The following CHRM3 variants were observed in gnomAD, a reference collection of about 807,000 sequenced individuals.
The protein encoded by CHRM3 is cholinergic receptor muscarinic 3, also known as muscarinic acetylcholine receptor M3.
Under a neutral mutation model 41.8 loss-of-function variants are expected in CHRM3, and 11 were observed. The observed-to-expected ratio is 0.26, with a 90% CI of 0.17 to 0.44. CHRM3 has a LOEUF of 0.44. Among genes scored for constraint, CHRM3 ranks in the 20% least tolerant of loss-of-function variants. CHRM3 has a pLI of 1.00. For synonymous variants in CHRM3, 297 were observed against 301.4 expected (o/e 0.99, Z 0.15); for missense variants, 571 against 745.4 (o/e 0.77, Z 2.72).
At chr1:239,859,211 G>A (rs1260989876) in intron 6 of CHRM3, among the ~76,000 whole-genome samples, 7 of 152,092 alleles carry the variant, frequency 4.6e-5, no homozygotes, top group African/African-American at 1.2e-4. Context: ...TTCTCCCAGC[G>A]GTGTATGAGA....
chr1:239,445,751 A>G (rs908654127), intron 1 of CHRM3, among the ~76,000 whole-genome samples: 2 of 152,188 alleles, frequency 1.3e-5, no homozygotes, highest in African/African-American at 2.4e-5. Context: ...TATTATTACT[A>G]TCATCATCCA....
At chr1:239,829,587 G>A (rs1672739875) in intron 6 of CHRM3, among the ~76,000 whole-genome samples, 1 of 152,002 alleles carries the variant, frequency 6.6e-6, no homozygotes, top group Admixed American at 6.6e-5. Flanking sequence ...TCAATCTTTT[G>A]TGTTTCATCT....
intron 2 of CHRM3, among the ~76,000 whole-genome samples, chr1:239,538,975 C>T (rs569769439): frequency 2.0e-5 from 3 of 152,260 alleles, no homozygotes; most frequent in African/African-American, 7.2e-5. Context: ...AGAAAAAAGA[C>T]TCTTCGTATA....
Position 239,846,958 on chromosome 1 carries a change from A to G in CHRM3, c.-20+19580A>G, listed in dbSNP as rs570437667. Among the ~76,000 whole-genome samples, 12 of 152,336 alleles carry G rather than the reference A, an allele frequency of 7.9e-5. No homozygotes were observed. In the South Asian group the frequency reaches 1.5e-3, roughly 18 times the overall value. ...TGCAGGAGACAGAATACTAAGCTTC[A>G]GTAATAGGGATTTCTCTCTCTTACA... On this transcript the variant is annotated intron_variant, in intron 6 of 6. Transcript: ENST00000676153.
chr1:239,641,023 A>G (rs79055620), intron 4 of CHRM3, among the ~76,000 whole-genome samples: 35 of 151,936 alleles, frequency 2.3e-4, no homozygotes, highest in Non-Finnish European at 4.1e-4. Flanking sequence ...TTCGTTATGT[A>G]CCCAGTAGTC....
At position 239,907,675 on chromosome 1, in the gene CHRM3, C is replaced by T. The variant is rs1221241600; in HGVS notation, c.224C>T (p.Thr75Met). 3.7e-6 allele frequency: 6 copies of T among 1,614,082 alleles called. No individual in the cohort carries two copies. The highest frequency in any genetic ancestry group is 2.7e-5 in the African/African-American group (2 of 74,934). Reference protein sequence around the residue: ...VWQVVFIAFLTGILALVTIIG... With the variant: ...VWQVVFIAFLMGILALVTIIG... ...CAAGTGGTCTTCATCGCTTTCTTAA[C>T]GGGCATCCTGGCCTTGGTGACCATC... The change falls in exon 7 of 7, where the codon ACG (threonine) becomes ATG (methionine). Residue 75 changes from threonine to methionine, a missense_variant. Thr to Met is a moderately conservative substitution (Grantham distance 81). This residue lies in a region of CHRM3 where 153 missense variants were observed against 296.3 expected (regional missense o/e 0.52). Coordinates refer to ENST00000676153, the MANE Select transcript of CHRM3 (RefSeq NM_001375978.1). This position sits in a 1 kb window ranked among gnomAD's most constrained non-coding sequence, Gnocchi z 5.4.
chr1:239,841,666 C>T (rs1190668403), intron 6 of CHRM3, among the ~76,000 whole-genome samples: 12 of 152,198 alleles, frequency 7.9e-5, no homozygotes, highest in Admixed American at 7.9e-4. Flanking sequence ...CAGGAGCTGA[C>T]TAGACTTACC....
At chr1:239,636,232 A>C (rs1342557534) in intron 4 of CHRM3, among the ~76,000 whole-genome samples, 2 of 152,248 alleles carry the variant, frequency 1.3e-5, no homozygotes, top group Non-Finnish European at 2.9e-5. Flanking sequence ...TGCAAAGAGC[A>C]AAATTTTCCC....
intron 5 of CHRM3, among the ~76,000 whole-genome samples, chr1:239,760,845 C>T (rs146965984): frequency 5.4e-4 from 82 of 152,246 alleles, no homozygotes; most frequent in Middle Eastern, 3.4e-3. Context: ...TCCTTGGTGT[C>T]GTTTTCCTCA....
At chr1:239,548,280 C>T (rs1291787913) in intron 3 of CHRM3, among the ~76,000 whole-genome samples, 1 of 152,136 alleles carries the variant, frequency 6.6e-6, no homozygotes, top group Admixed American at 6.5e-5. Context: ...TGTTTTATGT[C>T]CATCTCTCTA....
chr1:239,706,025 CATTT>C (rs1661126635), intron 5 of CHRM3, among the ~76,000 whole-genome samples: 1 of 150,204 alleles, frequency 6.7e-6, no homozygotes, highest in African/African-American at 2.4e-5. Context: ...GAATGATTAT[CATTT>C]ATTTAGATTA....
intron 2 of CHRM3, among the ~76,000 whole-genome samples, chr1:239,531,446 T>C (rs932599954): frequency 2.0e-5 from 3 of 152,084 alleles, no homozygotes; most frequent in Non-Finnish European, 4.4e-5. Flanking sequence ...CCAATGATTG[T>C]ATTTCGGCAT....
intron 5 of CHRM3, among the ~76,000 whole-genome samples, chr1:239,778,681 C>A (rs543657562): frequency 4.1e-4 from 63 of 152,256 alleles, no homozygotes; most frequent in African/African-American, 1.5e-3. Flanking sequence ...TGATTGTGAA[C>A]CCGTTGGTTC....
intron 3 of CHRM3, among the ~76,000 whole-genome samples, chr1:239,578,699 C>A (rs945244270): frequency 3.9e-5 from 6 of 152,128 alleles, no homozygotes; most frequent in South Asian, 2.1e-4. Flanking sequence ...TAATTGCTAT[C>A]TTTTTCAGCA....
Position 239,532,009 on chromosome 1 carries a change from C to CTTTTTTTTT in CHRM3, c.-421-13619_-421-13611dup, listed in dbSNP as rs34798101. ...TATTTCTTTTTTCTTTTCCTTCTTT[C>CTTTTTTTTT]TTTTTTTTTTTTTTTTTTTTTGAGA... On this transcript the variant is annotated intron_variant, in intron 2 of 6. Coordinates refer to ENST00000676153, the MANE Select transcript of CHRM3 (RefSeq NM_001375978.1). 1.4e-3 allele frequency among the ~76,000 whole-genome samples: 104 copies of CTTTTTTTTT among 76,316 alleles called. 2 individuals carry two copies. Among genetic ancestry groups the CTTTTTTTTT allele is most frequent in the African/African-American group, 2.5e-3 (44 of 17,554 alleles). The allele number at this position is 76,316 out of a possible 152,430, so 50.1% of individuals were successfully genotyped here.
chr1:239,394,663 A>AG (rs1659326256), intron 1 of CHRM3, among the ~76,000 whole-genome samples: 1 of 152,136 alleles, frequency 6.6e-6, no homozygotes. Flanking sequence ...AACACTCACC[A>AG]GGGGGGTCAT....
chr1:239,628,014 G>A (rs1222633852), intron 3 of CHRM3, among the ~76,000 whole-genome samples: 1 of 78,182 alleles, frequency 1.3e-5, no homozygotes, highest in Non-Finnish European at 2.3e-5. Flanking sequence ...TATCTTTGTG[G>A]CGTTCTCTGT....
intron 6 of CHRM3, among the ~76,000 whole-genome samples, chr1:239,844,076 A>G (rs1455571413): frequency 2.0e-5 from 3 of 152,152 alleles, no homozygotes; most frequent in African/African-American, 7.2e-5. Flanking sequence ...TTTCTTTGTG[A>G]TAAGAACACT....
chr1:239,492,425 A>G (rs1667613768), intron 1 of CHRM3, among the ~76,000 whole-genome samples: 1 of 152,194 alleles, frequency 6.6e-6, no homozygotes, highest in Non-Finnish European at 1.5e-5. Flanking sequence ...CAAAGGAAAC[A>G]TTTTAGCTTC....
Sources: allele counts gnomAD v4.1 joint callset (sites outside exome capture counted in the v4.1 genomes callset), GRCh38; gene constraint gnomAD v4.1.1; regional missense constraint gnomAD v4.1.1; non-coding constraint Gnocchi (gnomAD v3.1); transcripts MANE v1.5; gene names NCBI Gene and HGNC (gene_info 2026-07-23, HGNC 2026-07-21).